KCNU1: variants seen among roughly 807,000 people sequenced by gnomAD.
KCNU1 encodes the protein potassium calcium-activated channel subfamily U member 1.
In KCNU1, 93 loss-of-function variants were observed where a neutral mutation model predicts 126.8. The observed-to-expected ratio is 0.73, with a 90% CI of 0.62 to 0.87. KCNU1 has a LOEUF of 0.87. Ranked by LOEUF, KCNU1 falls within the 40% of genes least tolerant of loss-of-function variation. The pLI is 0.00. For missense variants in KCNU1, 1,330 were observed against 1,367.1 expected (o/e 0.97, Z 0.43); for synonymous variants, 523 against 494.2 (o/e 1.06, Z -0.77).
At chr8:36,829,189 G>T (rs1202446779) in intron 10 of KCNU1, among the ~76,000 whole-genome samples, 1 of 151,908 alleles carries the variant, frequency 6.6e-6, no homozygotes, top group East Asian at 1.9e-4. Context: ...TCAGTTGTGG[G>T]AACTGCAATT....
chr8:36,875,528 G>A (rs1369055738), intron 19 of KCNU1, among the ~76,000 whole-genome samples: 1 of 151,500 alleles, frequency 6.6e-6, no homozygotes, highest in African/African-American at 2.4e-5. Flanking sequence ...GAGTGGCAAA[G>A]TTTACAGACT....
At chr8:36,920,230 A>G (rs551146179) in intron 23 of KCNU1, among the ~76,000 whole-genome samples, 3 of 152,264 alleles carry the variant, frequency 2.0e-5, no homozygotes, top group African/African-American at 7.2e-5. Context: ...TGCAGACACC[A>G]AAATCCATGA....
rs769503780 is a variant in KCNU1 at position 36,922,606 on chromosome 8, T to C, written c.2713T>C (p.Phe905Leu). Reference protein sequence around the residue: ...FSTGTVFSGSFLDSLLATAFY... With the variant: ...FSTGTVFSGSLLDSLLATAFY... ...TACGGGCACTGTTTTTTCCGGCAGC[T>C]TCTTGGATTCTCTGCTGGCCACGGT... The change falls in exon 24 of 27, where the codon TTC (phenylalanine) becomes CTC (leucine). Residue 905 changes from phenylalanine to leucine, a missense_variant. Physicochemically the swap from Phe to Leu is conservative, Grantham distance 22. Coordinates refer to ENST00000399881, the MANE Select transcript of KCNU1 (RefSeq NM_001031836.3). 6.2e-7 allele frequency: 1 copy of C among 1,613,550 alleles called. No individual in the cohort carries two copies. Among genetic ancestry groups the C allele is most frequent in the South Asian group, 1.1e-5 (1 of 91,046 alleles).
chr8:36,885,821 C>T (rs1029561142), intron 19 of KCNU1, among the ~76,000 whole-genome samples: 3 of 151,986 alleles, frequency 2.0e-5, no homozygotes, highest in African/African-American at 7.2e-5. Context: ...AAAAGAAATA[C>T]AATCAGAGCA....
chr8:36,817,814 GA>G (rs1803977707), intron 10 of KCNU1, 54 bp downstream of exon 10: 1 of 865,532 alleles, frequency 1.2e-6, no homozygotes, highest in Non-Finnish European at 1.9e-6. Context: ...AAATACGTGT[GA>G]ATATTTTTAA....
At chr8:36,875,289 A>ATG (rs1263993644) in intron 19 of KCNU1, among the ~76,000 whole-genome samples, 6 of 151,056 alleles carry the variant, frequency 4.0e-5, no homozygotes, top group African/African-American at 1.5e-4. Context: ...AATCACATGT[A>ATG]TGTGTGTGTA....
intron 19 of KCNU1, among the ~76,000 whole-genome samples, chr8:36,875,996 T>A (rs995964954): frequency 6.6e-6 from 1 of 152,166 alleles, no homozygotes; most frequent in African/African-American, 2.4e-5. Flanking sequence ...GGATCAGCCT[T>A]GGAAACCAGT....
At chr8:36,836,498 T>C (rs753473422) in intron 13 of KCNU1, 133 bp downstream of exon 13, 5 of 650,424 alleles carry the variant, frequency 7.7e-6, no homozygotes, top group African/African-American at 1.8e-5. Flanking sequence ...CTTATTAAGA[T>C]GGATAATCAC....
chr8:36,869,586 C>A (rs185243053), intron 19 of KCNU1, among the ~76,000 whole-genome samples: 1 of 152,152 alleles, frequency 6.6e-6, no homozygotes, highest in African/African-American at 2.4e-5. Flanking sequence ...CAAATATTAG[C>A]CATGAGCAAT....
intron 8 of KCNU1, 25 bp from the exon 9 acceptor site, chr8:36,815,571 G>A (rs777180167): frequency 8.0e-7 from 1 of 1,250,906 alleles, no homozygotes. Flanking sequence ...GAGAACTAAG[G>A]TTTTATTTTG....
chr8:36,837,058 T>C, intron 14 of KCNU1, 113 bp downstream of exon 14: 2 of 964,654 alleles, frequency 2.1e-6, no homozygotes, highest in South Asian at 3.1e-5. Context: ...CAATGAGATA[T>C]GACTTCTGCT....
At chr8:36,810,290 T>C (rs1157265785) in intron 7 of KCNU1, among the ~76,000 whole-genome samples, 1 of 151,700 alleles carries the variant, frequency 6.6e-6, no homozygotes, top group East Asian at 1.9e-4. Flanking sequence ...AGCTTCTCCC[T>C]ATGTACAGCA....
At chr8:36,849,145 C>A (rs1335055028) in intron 18 of KCNU1, among the ~76,000 whole-genome samples, 2 of 152,096 alleles carry the variant, frequency 1.3e-5, no homozygotes, top group African/African-American at 4.8e-5. Context: ...GCCCTGGAAA[C>A]CACTAGTCTA....
intron 2 of KCNU1, among the ~76,000 whole-genome samples, chr8:36,793,013 A>G (rs1802958162): frequency 6.6e-6 from 1 of 152,218 alleles, no homozygotes; most frequent in Non-Finnish European, 1.5e-5. Context: ...ATCATGGAAT[A>G]CTATGCAGCC....
At chr8:36,882,819 G>A (rs987855629) in intron 19 of KCNU1, among the ~76,000 whole-genome samples, 1 of 152,110 alleles carries the variant, frequency 6.6e-6, no homozygotes, top group Non-Finnish European at 1.5e-5. Flanking sequence ...CTGACCTCAG[G>A]TGATCCTCCC....
At chr8:36,909,622 A>G (rs1360340325) in intron 21 of KCNU1, 87 bp downstream of exon 21, 2 of 809,352 alleles carry the variant, frequency 2.5e-6, no homozygotes, top group African/African-American at 1.8e-5. Flanking sequence ...TTGCAGTTCT[A>G]CAGTCCTTGC....
At chr8:36,909,202 T>C in intron 20 of KCNU1, 109 bp from the exon 21 acceptor site, 1 of 715,390 alleles carries the variant, frequency 1.4e-6, no homozygotes, top group Non-Finnish European at 2.5e-6. Flanking sequence ...CTTATGAAAG[T>C]AGAGCTGTGG....
chr8:36,934,480 C>T (rs1188301114), intron 26 of KCNU1, among the ~76,000 whole-genome samples: 1 of 151,848 alleles, frequency 6.6e-6, no homozygotes, highest in African/African-American at 2.4e-5. Context: ...TGAACTCCAC[C>T]CCTCCCCCAA....
At chr8:36,932,758 T>C (rs1414840555) in intron 25 of KCNU1, among the ~76,000 whole-genome samples, 162 bp from the exon 26 acceptor site, 2 of 152,108 alleles carry the variant, frequency 1.3e-5, no homozygotes, top group African/African-American at 4.8e-5. Flanking sequence ...GAACTAATCA[T>C]ACTCTTAATT....
Sources: gnomAD v4.1 joint callset for allele counts (sites outside exome capture counted in the v4.1 genomes callset) on GRCh38, gnomAD v4.1.1 for gene constraint, MANE v1.5 for transcripts, NCBI Gene and HGNC (gene_info 2026-07-23, HGNC 2026-07-21) for gene names.